Variants in EYS observed in about 807,000 individuals in gnomAD.
The protein encoded by EYS is EGF-like photoreceptor maintenance factor.
Under a neutral mutation model 282.1 loss-of-function variants are expected in EYS, and 250 were observed. The ratio of observed to expected loss-of-function variants is 0.89; its 90% confidence interval spans 0.80 to 0.98. The LOEUF (loss-of-function observed/expected upper bound fraction) is 0.98, where lower values mean the gene tolerates loss of function less well. EYS is among the 50% of genes least tolerant of loss of function. The pLI is 0.00. For synonymous variants in EYS, 1,355 were observed against 1,282.9 expected (o/e 1.06, Z -1.20); for missense variants, 4,016 against 3,709.0 (o/e 1.08, Z -2.15).
intron 18 of EYS, among the ~76,000 whole-genome samples, 159 bp downstream of exon 18, chr6:64,901,954 C>T (rs951131347): frequency 6.6e-6 from 1 of 152,078 alleles, no homozygotes; most frequent in African/African-American, 2.4e-5. Context: ...AGATTTTTGA[C>T]ATAAGTGATT....
chr6:64,372,326 G>C (rs1277698720), intron 29 of EYS, among the ~76,000 whole-genome samples: 2 of 151,800 alleles, frequency 1.3e-5, no homozygotes, highest in Admixed American at 6.6e-5. Flanking sequence ...TGAAATCCTT[G>C]GATGAAAATT....
chr6:64,556,162 T>C (rs1582890259), intron 26 of EYS, among the ~76,000 whole-genome samples: 1 of 152,044 alleles, frequency 6.6e-6, no homozygotes, highest in East Asian at 1.9e-4. Context: ...AAAATATTTG[T>C]CTTCACAGAG....
At chr6:63,935,282 A>T (rs191006106) in intron 35 of EYS, among the ~76,000 whole-genome samples, 1 of 152,324 alleles carries the variant, frequency 6.6e-6, no homozygotes, top group East Asian at 1.9e-4. Flanking sequence ...GATTCATTAG[A>T]CGAATGAATA....
intron 29 of EYS, among the ~76,000 whole-genome samples, chr6:64,346,727 A>G (rs1037259837): frequency 1.3e-5 from 2 of 151,340 alleles, no homozygotes; most frequent in Non-Finnish European, 3.0e-5. Context: ...ACAAAACAAA[A>G]CAAAAAAACA....
intron 2 of EYS, among the ~76,000 whole-genome samples, chr6:65,545,693 A>G (rs1045559224): frequency 3.3e-5 from 5 of 152,130 alleles, no homozygotes; most frequent in African/African-American, 1.2e-4. Flanking sequence ...AAAATAAGCT[A>G]CATATTTATG....
At chr6:64,518,178 A>G in intron 26 of EYS, among the ~76,000 whole-genome samples, 1 of 151,764 alleles carries the variant, frequency 6.6e-6, no homozygotes, top group South Asian at 2.1e-4. Flanking sequence ...CAAATTCCTA[A>G]AGAAATTATT....
rs1234205150 is a variant in EYS, at chr6:65,494,837, C to T, written c.574G>A (p.Glu192Lys). 1 of 1,614,072 alleles carries T rather than the reference C, an allele frequency of 6.2e-7. No individual in the cohort carries two copies. Among genetic ancestry groups the T allele is most frequent in the Admixed American group, 1.7e-5 (1 of 60,020 alleles). Residue 192 changes from glutamate (E) to lysine (K), a missense_variant, in exon 4 of 43, where the codon GAA becomes AAA. Coordinates refer to ENST00000503581, the MANE Select transcript of EYS (RefSeq NM_001142800.2). ...FCSGHGKCLSEAWSKTYSCHC... is the reference protein window; with the variant it reads ...FCSGHGKCLSKAWSKTYSCHC... Reference sequence around the variant, plus strand: ...CAGCTATATGTCTTGCTCCAAGCTTCACTAAGACATTTACCATGACCAGAG... The same window carrying T: ...CAGCTATATGTCTTGCTCCAAGCTTTACTAAGACATTTACCATGACCAGAG...
At chr6:64,969,535 T>C (rs1408800946) in intron 14 of EYS, among the ~76,000 whole-genome samples, 3 of 152,126 alleles carry the variant, frequency 2.0e-5, no homozygotes, top group Non-Finnish European at 4.4e-5. Flanking sequence ...GCCACAGATC[T>C]GTAAAAAATG....
At chr6:65,699,326 C>T (rs112961197) in intron 1 of EYS, among the ~76,000 whole-genome samples, 2,619 of 151,950 alleles carry the variant, frequency 0.017, 80 homozygotes, top group African/African-American at 0.061. Context: ...CCCTATTTTA[C>T]ATATAATTGA....
intron 29 of EYS, among the ~76,000 whole-genome samples, chr6:64,319,792 C>A (rs1476237694): frequency 6.6e-6 from 1 of 151,812 alleles, no homozygotes; most frequent in Non-Finnish European, 1.5e-5. Flanking sequence ...AGAGAATATT[C>A]CAGTTAAGCT....
At chr6:64,316,608 G>T (rs1769975569) in intron 29 of EYS, among the ~76,000 whole-genome samples, 1 of 152,074 alleles carries the variant, frequency 6.6e-6, no homozygotes, top group Non-Finnish European at 1.5e-5. Context: ...AGGATAGGAA[G>T]AATCAGTATT....
chr6:64,046,819 C>G (rs896779164), intron 33 of EYS, among the ~76,000 whole-genome samples: 1 of 152,186 alleles, frequency 6.6e-6, no homozygotes, highest in African/African-American at 2.4e-5. Context: ...ACCTCCAGAT[C>G]CTCCCCTAGG....
intron 22 of EYS, among the ~76,000 whole-genome samples, chr6:64,750,004 C>T (rs1277274010): frequency 1.3e-5 from 2 of 151,784 alleles, no homozygotes; most frequent in African/African-American, 4.8e-5. Flanking sequence ...AGTTGTGTTT[C>T]ATTACAAAAT....
intron 13 of EYS, among the ~76,000 whole-genome samples, chr6:65,054,700 A>G (rs1182602164): frequency 1.3e-5 from 2 of 152,086 alleles, no homozygotes; most frequent in South Asian, 2.1e-4. Flanking sequence ...ATTATTAGGT[A>G]TGTGCATTTT....
intron 14 of EYS, among the ~76,000 whole-genome samples, chr6:64,959,662 T>A (rs918604729): frequency 1.3e-5 from 2 of 152,168 alleles, no homozygotes; most frequent in African/African-American, 4.8e-5. Context: ...CTCAGTGATT[T>A]TTTTTACTCT....
chr6:64,225,235 T>C (rs1766221493), intron 31 of EYS, among the ~76,000 whole-genome samples: 1 of 152,154 alleles, frequency 6.6e-6, no homozygotes, highest in Non-Finnish European at 1.5e-5. Flanking sequence ...GTTTCCTTTT[T>C]CGTGTAATCA....
At chr6:64,530,565 T>G (rs1359540304) in intron 26 of EYS, among the ~76,000 whole-genome samples, 4 of 152,026 alleles carry the variant, frequency 2.6e-5, no homozygotes, top group African/African-American at 7.3e-5. Context: ...ATTTATAACA[T>G]GATATTACTG....
At chr6:64,526,334 G>A (rs1354074017) in intron 26 of EYS, among the ~76,000 whole-genome samples, 1 of 151,504 alleles carries the variant, frequency 6.6e-6, no homozygotes, top group African/African-American at 2.4e-5. Flanking sequence ...TACCACCTGG[G>A]GAAATTGGTT....
intron 22 of EYS, among the ~76,000 whole-genome samples, chr6:64,662,807 A>G (rs1769090162): frequency 6.6e-6 from 1 of 152,142 alleles, no homozygotes; most frequent in African/African-American, 2.4e-5. Flanking sequence ...AGGTTAAGTA[A>G]TTTCCCAAGA....
Sources: gnomAD v4.1 joint callset for allele counts (sites outside exome capture counted in the v4.1 genomes callset) on GRCh38, gnomAD v4.1.1 for gene constraint, MANE v1.5 for transcripts, NCBI Gene and HGNC (gene_info 2026-07-23, HGNC 2026-07-21) for gene names.